The following IQCH variants were observed in gnomAD, a reference collection of about 807,000 sequenced individuals.
IQCH encodes IQ domain-containing protein H.
Under a neutral mutation model 117.0 loss-of-function variants are expected in IQCH, and 98 were observed. The observed-to-expected ratio is 0.84, with a 90% CI of 0.71 to 0.99. The LOEUF is 0.99. Ranked by LOEUF, IQCH falls within the 50% of genes least tolerant of loss-of-function variation. The pLI, the probability that IQCH is intolerant of heterozygous loss-of-function variation, is 0.00. For synonymous variants in IQCH, 412 were observed against 448.2 expected (o/e 0.92, Z 1.02); for missense variants, 1,102 against 1,243.8 (o/e 0.89, Z 1.72).
In IQCH at chr15:67,501,256, G is replaced by A. The variant is rs982141018; in HGVS notation, c.*510G>A. The A allele has an allele frequency of 1.3e-5, 2 of 152,062 alleles. No individual in the cohort carries two copies. Among genetic ancestry groups the A allele is most frequent in the Non-Finnish European group, 2.9e-5 (2 of 68,020 alleles). The allele number at this position is 152,062 out of a possible 1,614,324, so 9.4% of individuals were successfully genotyped here. A position where few individuals can be genotyped will look rare whatever the true frequency, so the allele number is the denominator to read the frequency against. ...AAATTATATTTATATGAATTTTTAA[G>A]TGACTATCATTCATCGTGTTTTTGT... On this transcript the variant is annotated 3_prime_UTR_variant, in exon 21 of 21. Transcript: ENST00000335894. The surrounding 1 kb of genome is among the most constrained non-coding windows in gnomAD (Gnocchi z 5.2).
chr15:67,259,929 A>G (rs1228027650), intron 1 of IQCH, among the ~76,000 whole-genome samples: 1 of 152,266 alleles, frequency 6.6e-6, no homozygotes, highest in Non-Finnish European at 1.5e-5. Context: ...TGAAGAGTAC[A>G]AATGACCAGA....
Position 67,428,860 on chromosome 15 carries a change from AAAAG to A in IQCH, c.2505+7285_2505+7288del, listed in dbSNP as rs1381967255. 1.2e-4 allele frequency among the ~76,000 whole-genome samples: 18 copies of A among 151,600 alleles called. No homozygotes were observed. The East Asian group carries it at 2.5e-3, about 21-fold the overall frequency. On this transcript the variant is annotated intron_variant, in intron 16 of 20. Coordinates refer to ENST00000335894, the MANE Select transcript of IQCH (RefSeq NM_001031715.3). The stretch of plus-strand genomic sequence containing the variant: ...GAGACTCTGTCTCAAAAAAAAAAAA[AAAAG>A]AGAGAGAGAGAGGCAGGGGGATCAT...
chr15:67,284,973 A>G (rs1966506336), intron 4 of IQCH, among the ~76,000 whole-genome samples: 4 of 152,210 alleles, frequency 2.6e-5, no homozygotes, highest in Admixed American at 2.6e-4. Context: ...GCGTATACCC[A>G]GTAGTGGGAT....
At chr15:67,464,041 C>T (rs1268895634) in intron 16 of IQCH, among the ~76,000 whole-genome samples, 1 of 152,158 alleles carries the variant, frequency 6.6e-6, no homozygotes, top group Non-Finnish European at 1.5e-5. Context: ...TGACATTTCG[C>T]CATGTTGGCC....
chr15:67,269,699 CTT>C (rs56720637), intron 3 of IQCH, among the ~76,000 whole-genome samples: 186 of 147,204 alleles, frequency 1.3e-3, no homozygotes, highest in African/African-American at 1.0e-3. Context: ...ATGAGATCCA[CTT>C]TTTTTTTTTT....
Position 67,385,469 on chromosome 15 carries a change from A to C in IQCH, c.1456+450A>C, listed in dbSNP as rs951560866. On this transcript the variant is annotated intron_variant, in intron 11 of 20. Coordinates refer to ENST00000335894, the MANE Select transcript of IQCH (RefSeq NM_001031715.3). This position sits in a 1 kb window ranked among gnomAD's most constrained non-coding sequence, Gnocchi z 4.6. ...GAAAATTAAGATAGATTTTTAAAAG[A>C]AGCTTTTATTTAAATATAGAGCATC... Among the ~76,000 whole-genome samples the C allele has an allele frequency of 6.6e-6, 1 of 152,196 alleles. No homozygotes were observed. The highest frequency in any genetic ancestry group is 1.5e-5 in the Non-Finnish European group (1 of 68,040).
At chr15:67,482,548 C>T (rs1323431735) in intron 18 of IQCH, among the ~76,000 whole-genome samples, 2 of 152,078 alleles carry the variant, frequency 1.3e-5, no homozygotes, top group East Asian at 3.9e-4. Context: ...CTTGCAATAA[C>T]TTTGAAAGGT....
chr15:67,287,335 G>A (rs1966600387), intron 4 of IQCH, among the ~76,000 whole-genome samples: 1 of 152,146 alleles, frequency 6.6e-6, no homozygotes, highest in South Asian at 2.1e-4. Flanking sequence ...AATAGTTTGA[G>A]TAGGATTGGT....
chr15:67,496,706 G>A lies in IQCH; in HGVS notation c.2970+2340G>A, dbSNP rs2083821570. Among the ~76,000 whole-genome samples, 1 of 152,048 alleles carries A rather than the reference G, an allele frequency of 6.6e-6. No individual in the cohort carries two copies. Among genetic ancestry groups the A allele is most frequent in the Non-Finnish European group, 1.5e-5 (1 of 67,992 alleles). ...CTAAGAAGAAGAAGAAGGAGAAGGA[G>A]AAAAGAAGAAGAAATAAAAGTAAAA... On this transcript the variant is annotated intron_variant, in intron 20 of 20. Coordinates refer to ENST00000335894, the MANE Select transcript of IQCH (RefSeq NM_001031715.3). This position sits in a 1 kb window ranked among gnomAD's most constrained non-coding sequence, Gnocchi z 4.4.
chr15:67,457,526 C>A lies in IQCH; in HGVS notation c.2506-7601C>A, dbSNP rs2082687794. Reference sequence around the variant, plus strand: ...GTCAAGAACCAAGTGAATTCTTACACCTGCTCAAACTCTGCTCCCAACAGT... The same window carrying A: ...GTCAAGAACCAAGTGAATTCTTACAACTGCTCAAACTCTGCTCCCAACAGT... On this transcript the variant is annotated intron_variant, in intron 16 of 20. Coordinates refer to ENST00000335894, the MANE Select transcript of IQCH (RefSeq NM_001031715.3). This position sits in a 1 kb window ranked among gnomAD's most constrained non-coding sequence, Gnocchi z 5.7. Among the ~76,000 whole-genome samples, 1 of 152,200 alleles carries A rather than the reference C, an allele frequency of 6.6e-6. No homozygotes were observed. The highest frequency in any genetic ancestry group is 2.4e-5 in the African/African-American group (1 of 41,440).
In IQCH at chr15:67,426,805, C is replaced by A. The variant is rs150912407; in HGVS notation, c.2505+5228C>A. 4.2e-3 allele frequency among the ~76,000 whole-genome samples: 633 copies of A among 151,930 alleles called. 7 individuals carry two copies. The highest frequency in any genetic ancestry group is 0.014 in the African/African-American group (594 of 41,436). On this transcript the variant is annotated intron_variant, in intron 16 of 20. Coordinates refer to ENST00000335894, the MANE Select transcript of IQCH (RefSeq NM_001031715.3). The surrounding 1 kb of genome is among the most constrained non-coding windows in gnomAD (Gnocchi z 5.1). ...CCTGGGCAACATAGAAAGGTCCAGT[C>A]TCTACCAAAAAAATTTTTAAAATAA...
At chr15:67,272,709 C>T (rs1965951295) in intron 3 of IQCH, among the ~76,000 whole-genome samples, 1 of 152,186 alleles carries the variant, frequency 6.6e-6, no homozygotes, top group African/African-American at 2.4e-5. Context: ...CAGTCTTTGA[C>T]TTGTAGTCCA....
intron 20 of IQCH, among the ~76,000 whole-genome samples, chr15:67,495,243 A>T (rs1433750433): frequency 6.6e-6 from 1 of 152,002 alleles, no homozygotes; most frequent in Admixed American, 6.5e-5. Flanking sequence ...TGATTTTATG[A>T]GCTGGAAGAA....
intron 18 of IQCH, among the ~76,000 whole-genome samples, chr15:67,487,002 A>G (rs1283078622): frequency 6.6e-6 from 1 of 152,196 alleles, no homozygotes; most frequent in African/African-American, 2.4e-5. Context: ...TCAACCCTAG[A>G]TGCCCATGAG....
chr15:67,355,711 A>T (rs1969866001), intron 6 of IQCH, among the ~76,000 whole-genome samples: 1 of 152,208 alleles, frequency 6.6e-6, no homozygotes, highest in South Asian at 2.1e-4. Flanking sequence ...TCCAGCAGGG[A>T]AATTGAGTAG....
chr15:67,476,101 C>T lies in IQCH; in HGVS notation c.2799+283C>T, dbSNP rs532730658. On this transcript the variant is annotated intron_variant, in intron 18 of 20. Transcript: ENST00000335894. The surrounding 1 kb of genome is among the most constrained non-coding windows in gnomAD (Gnocchi z 4.1). ...GACTTAGGAGGCATTTTGGGGACCA[C>T]CTCATGATCCTGAAGCAGGCCCTGA... Among the ~76,000 whole-genome samples, 5 of 152,374 alleles carry T rather than the reference C, an allele frequency of 3.3e-5. No homozygotes were observed. In the South Asian group the frequency reaches 1.0e-3, roughly 32 times the overall value.
chr15:67,482,149 C>G (rs2083354679), intron 18 of IQCH, among the ~76,000 whole-genome samples: 1 of 152,188 alleles, frequency 6.6e-6, no homozygotes, highest in African/African-American at 2.4e-5. Context: ...TCTCAGAAGG[C>G]AGAGTCAAGG....
intron 3 of IQCH, among the ~76,000 whole-genome samples, chr15:67,265,803 C>T (rs1276311451): frequency 6.6e-6 from 1 of 152,140 alleles, no homozygotes; most frequent in Non-Finnish European, 1.5e-5. Flanking sequence ...GCATGGACTG[C>T]TAGGAGATTA....
At chr15:67,302,196 G>A (rs992755115) in intron 4 of IQCH, among the ~76,000 whole-genome samples, 1 of 152,122 alleles carries the variant, frequency 6.6e-6, no homozygotes, top group Non-Finnish European at 1.5e-5. Context: ...CATCAATTCT[G>A]TATCCAGAAT....
Sources: allele counts gnomAD v4.1 joint callset (sites outside exome capture counted in the v4.1 genomes callset), GRCh38; gene constraint gnomAD v4.1.1; non-coding constraint Gnocchi (gnomAD v3.1); transcripts MANE v1.5; gene names NCBI Gene and HGNC (gene_info 2026-07-23, HGNC 2026-07-21).